Variants in KANSL1 observed in about 807,000 individuals in gnomAD.
KANSL1 encodes KAT8 regulatory NSL complex subunit 1.
In KANSL1, 22 loss-of-function variants were observed where a neutral mutation model predicts 103.6. The observed-to-expected ratio is 0.21, with a 90% CI of 0.15 to 0.30. The LOEUF is 0.30. Among genes scored for constraint, KANSL1 ranks in the 10% least tolerant of loss-of-function variants. The pLI, the probability that KANSL1 is intolerant of heterozygous loss-of-function variation, is 1.00. For missense variants in KANSL1, 1,337 were observed against 1,399.8 expected (o/e 0.96, Z 0.72); for synonymous variants, 600 against 527.6 (o/e 1.14, Z -1.88).
intron 6 of KANSL1, among the ~76,000 whole-genome samples, chr17:46,062,154 C>T (rs560131249): frequency 6.8e-6 from 1 of 146,588 alleles, no homozygotes; most frequent in South Asian, 2.2e-4. Context: ...GCAGATTTAC[C>T]TCCCCCAAAA....
chr17:46,062,091 C>CAAAA (rs35638067), intron 6 of KANSL1, among the ~76,000 whole-genome samples: 40 of 69,966 alleles, frequency 5.7e-4, no homozygotes, highest in African/African-American at 1.3e-3. Context: ...GACTCCGACT[C>CAAAA]AAAAAAAAAA....
At chr17:46,136,782 A>C (rs577010333) in intron 2 of KANSL1, among the ~76,000 whole-genome samples, 2 of 152,382 alleles carry the variant, frequency 1.3e-5, no homozygotes, top group South Asian at 4.1e-4. Flanking sequence ...GAAAACCAGA[A>C]AGACAAAAGC....
intron 1 of KANSL1, among the ~76,000 whole-genome samples, chr17:46,178,989 T>C (rs914308111): frequency 3.7e-4 from 57 of 152,338 alleles, no homozygotes; most frequent in Non-Finnish European, 6.5e-4. Flanking sequence ...AATATACTTC[T>C]AGGATAGAGT....
chr17:46,169,907 C>T (rs1023459335), intron 2 of KANSL1, among the ~76,000 whole-genome samples: 21 of 152,024 alleles, frequency 1.4e-4, no homozygotes, highest in Non-Finnish European at 1.5e-5. Context: ...ATGAGGTGGG[C>T]GGATCACGAG....
chr17:46,130,891 A>AG (rs2043833255), intron 2 of KANSL1, among the ~76,000 whole-genome samples: 1 of 152,276 alleles, frequency 6.6e-6, no homozygotes, highest in East Asian at 1.9e-4. Context: ...TGAAATTACC[A>AG]GTCCTCACTG....
chr17:46,167,126 A>G lies in KANSL1; in HGVS notation c.1289+3729T>C, dbSNP rs538983483. ...AGGTACCCAGAACACTGCTGATTTA[A>G]GAGCACAATTAAGAGAATTTCTGGA... On this transcript the variant is annotated intron_variant, in intron 2 of 14. Transcript: ENST00000432791. Among the ~76,000 whole-genome samples, 76 of 152,172 alleles carry G rather than the reference A, an allele frequency of 5.0e-4. 1 individual carries two copies. The highest frequency in any genetic ancestry group is 1.8e-3 in the African/African-American group (74 of 41,498).
intron 2 of KANSL1, among the ~76,000 whole-genome samples, chr17:46,150,659 G>A (rs1315102202): frequency 6.6e-6 from 1 of 152,148 alleles, no homozygotes. Flanking sequence ...AATGACACTG[G>A]CTCAACAAAT....
chr17:46,171,122 C>T lies in KANSL1; in HGVS notation c.1022G>A (p.Arg341Gln), dbSNP rs371321182. Residue 341 changes from arginine to glutamine, a missense_variant, in exon 2 of 15, where the codon CGG becomes CAG. Physicochemically the swap from Arg to Gln is conservative, Grantham distance 43. Coordinates refer to ENST00000432791, the MANE Select transcript of KANSL1 (RefSeq NM_015443.4). ...CTTTCGAGTCAGCATCAACTGGCTC[C>T]GTGGTCTCAAGGATTCCAAGTTTGG... The part of the protein sequence containing the change: ...KLPNLESLRP[R>Q]SQLMLTRKAE... 6.8e-6 allele frequency: 11 copies of T among 1,614,034 alleles called. No individual in the cohort carries two copies. The highest frequency in any genetic ancestry group is 6.7e-5 in the African/African-American group (5 of 74,906).
At chr17:46,096,419 C>T (rs1378733600) in intron 2 of KANSL1, among the ~76,000 whole-genome samples, 2 of 149,092 alleles carry the variant, frequency 1.3e-5, no homozygotes, top group Non-Finnish European at 1.5e-5. Context: ...CTCCCAGGTT[C>T]AAGCGATTCT....
At chr17:46,188,510 G>A (rs2047139302) in intron 1 of KANSL1, among the ~76,000 whole-genome samples, 1 of 152,178 alleles carries the variant, frequency 6.6e-6, no homozygotes, top group African/African-American at 2.4e-5. Context: ...CCAATTTTAG[G>A]AAAAAGACAT....
intron 2 of KANSL1, chr17:46,121,336 TTCTG>T (rs1270094963): frequency 6.6e-6 from 1 of 152,438 alleles, no homozygotes; most frequent in Non-Finnish European, 1.5e-5. Flanking sequence ...CAGTTCCCTT[TTCTG>T]TCTATGACTT....
chr17:46,054,272 T>C (rs1025921568), intron 6 of KANSL1, among the ~76,000 whole-genome samples: 6 of 152,200 alleles, frequency 3.9e-5, no homozygotes, highest in African/African-American at 1.4e-4. Flanking sequence ...CAGGCTGGTC[T>C]CAAACTCCTG....
chr17:46,123,247 C>T (rs140925761), intron 2 of KANSL1, among the ~76,000 whole-genome samples: 2 of 152,246 alleles, frequency 1.3e-5, no homozygotes, highest in African/African-American at 2.4e-5. Flanking sequence ...TGTGGCATTG[C>T]GCACTTGTAG....
chr17:46,062,033 A>G (rs997860199), intron 6 of KANSL1, among the ~76,000 whole-genome samples: 1 of 141,012 alleles, frequency 7.1e-6, no homozygotes, highest in South Asian at 2.5e-4. Context: ...CGGAGGCTGC[A>G]GTGAGCTGAG....
chr17:46,115,006 C>A (rs887036139), intron 2 of KANSL1, among the ~76,000 whole-genome samples: 15 of 152,148 alleles, frequency 9.9e-5, no homozygotes, highest in African/African-American at 3.4e-4. Flanking sequence ...CTAAAGTCCA[C>A]GAATTTTTTT....
At chr17:46,156,840 A>C (rs936910048) in intron 2 of KANSL1, 3 of 152,954 alleles carry the variant, frequency 2.0e-5, no homozygotes, top group South Asian at 2.1e-4. Flanking sequence ...TGGAGGTTGC[A>C]CTGAGCTGAG....
At chr17:46,188,548 G>A (rs1251036918) in intron 1 of KANSL1, among the ~76,000 whole-genome samples, 1 of 152,222 alleles carries the variant, frequency 6.6e-6, no homozygotes, top group Non-Finnish European at 1.5e-5. Flanking sequence ...CACTGACACA[G>A]TAGGCAAGCC....
chr17:46,212,251 T>C (rs1161388043), intron 1 of KANSL1, among the ~76,000 whole-genome samples: 2 of 152,190 alleles, frequency 1.3e-5, no homozygotes, highest in Non-Finnish European at 1.5e-5. Flanking sequence ...AGACAGAGAC[T>C]TGCTCTGTCA....
intron 2 of KANSL1, among the ~76,000 whole-genome samples, chr17:46,107,956 AGCCACTTCTT>A (rs1409027541): frequency 1.3e-5 from 2 of 152,212 alleles, no homozygotes; most frequent in African/African-American, 2.4e-5. Context: ...TCCAGTATTC[AGCCACTTCTT>A]GCCACTTCAT....
Sources: gnomAD v4.1 joint callset for allele counts (sites outside exome capture counted in the v4.1 genomes callset) on GRCh38, gnomAD v4.1.1 for gene constraint, MANE v1.5 for transcripts, NCBI Gene and HGNC (gene_info 2026-07-23, HGNC 2026-07-21) for gene names.